PDK1: variants seen among roughly 807,000 people sequenced by gnomAD.
PDK1 encodes the protein pyruvate dehydrogenase kinase 1, also known as [Pyruvate dehydrogenase (acetyl-transferring)] kinase isozyme 1, mitochondrial.
A neutral mutation model predicts 54.2 loss-of-function variants in PDK1; 39 were observed. That is an observed-to-expected ratio of 0.72 (90% confidence interval 0.56 to 0.94). The LOEUF is 0.94. Ranked by LOEUF, PDK1 falls within the 40% of genes least tolerant of loss-of-function variation. PDK1 has a pLI of 0.00. For synonymous variants in PDK1, 221 were observed against 207.1 expected (o/e 1.07, Z -0.58); for missense variants, 552 against 566.0 (o/e 0.98, Z 0.25).
chr2:172,579,301 A>G (rs1406301594), intron 8 of PDK1, among the ~76,000 whole-genome samples: 2 of 152,100 alleles, frequency 1.3e-5, no homozygotes, highest in Non-Finnish European at 2.9e-5. Context: ...AAATAAATAC[A>G]GTCTTCCCAG....
chr2:172,558,670 C>G (rs368979191), intron 1 of PDK1, 38 bp from the exon 2 acceptor site: 1 of 1,544,784 alleles, frequency 6.5e-7, no homozygotes, highest in South Asian at 1.2e-5. Context: ...TTCCTTATGG[C>G]TTTTACTTAC....
chr2:172,570,848 T>TTA, intron 8 of PDK1, 24 bp downstream of exon 8: 6 of 1,400,978 alleles, frequency 4.3e-6, no homozygotes, highest in Non-Finnish European at 6.0e-6. Flanking sequence ...ATGGTTTGTT[T>TTA]TCTTTTTTTT....
chr2:172,571,359 G>A (rs1317779886), intron 8 of PDK1, among the ~76,000 whole-genome samples: 3 of 152,072 alleles, frequency 2.0e-5, no homozygotes, highest in African/African-American at 7.2e-5. Flanking sequence ...TGTTCAGGTG[G>A]CCCAGTTTCT....
At chr2:172,695,629 G>T in the PDK1 span, among the ~76,000 whole-genome samples, 1 of 152,218 alleles carries the variant, frequency 6.6e-6, no homozygotes, top group South Asian at 2.1e-4. Context: ...GCCACTCCTG[G>T]AATTATGTTG....
the PDK1 span, among the ~76,000 whole-genome samples, chr2:172,664,531 CT>C: frequency 6.6e-6 from 1 of 152,024 alleles, no homozygotes; most frequent in Non-Finnish European, 1.5e-5. Flanking sequence ...TTTCCCATTA[CT>C]CAGTGATCTC....
At chr2:172,615,997 C>A in the PDK1 span, among the ~76,000 whole-genome samples, 1 of 152,080 alleles carries the variant, frequency 6.6e-6, no homozygotes, top group East Asian at 1.9e-4. Context: ...AGCCAGCCAG[C>A]CAAATCTCAT....
chr2:172,567,790 G>A (rs1235489031), intron 6 of PDK1, among the ~76,000 whole-genome samples: 2 of 152,166 alleles, frequency 1.3e-5, no homozygotes, highest in Non-Finnish European at 2.9e-5. Flanking sequence ...TTCAGAGGAA[G>A]GTCTGATTTA....
At chr2:172,586,420 C>G (rs756205161) in intron 9 of PDK1, 32 bp downstream of exon 9, 1 of 1,327,634 alleles carries the variant, frequency 7.5e-7, no homozygotes, top group South Asian at 1.2e-5. Flanking sequence ...AAGTGTGTTT[C>G]TGTGAATTGC....
rs368472082 is a variant in PDK1, at chr2:172,559,506, A to G, written c.338+657A>G. On this transcript the variant is annotated intron_variant, in intron 2 of 10. Coordinates refer to ENST00000282077, the MANE Select transcript of PDK1 (RefSeq NM_002610.5). ...TTTAATCCCTTCAACAACCTTGCACAGTGGGTATGATTCTCTCCATTTTAT... is the reference window on the plus strand; with the variant it reads ...TTTAATCCCTTCAACAACCTTGCACGGTGGGTATGATTCTCTCCATTTTAT... Among the ~76,000 whole-genome samples the G allele has an allele frequency of 5.9e-5, 9 of 152,188 alleles. No individual in the cohort carries two copies. The East Asian group carries it at 1.5e-3, about 26-fold the overall frequency.
Position 172,562,224 on chromosome 2 carries a change from A to T in PDK1, c.343A>T (p.Ile115Phe). Reference protein sequence around the residue: ...PSVQLVQSWYIQSLQELLDFK... With the variant: ...PSVQLVQSWYFQSLQELLDFK... ...TCCTATTGATCTGCATTTTAGGTAT[A>T]TCCAGAGTCTTCAGGAGCTTCTTGA... The change falls in exon 3 of 11, where the codon ATC (isoleucine) becomes TTC (phenylalanine). Residue 115 changes from isoleucine (I) to phenylalanine (F), a missense_variant. Ile to Phe is a conservative substitution (Grantham distance 21, BLOSUM62 0). Transcript: ENST00000282077. 6.4e-7 allele frequency: 1 copy of T among 1,565,960 alleles called. No individual in the cohort carries two copies. The highest frequency in any genetic ancestry group is 8.8e-7 in the Non-Finnish European group (1 of 1,136,712).
rs565302592 is a variant in PDK1, at chr2:172,562,714, CTAAT to C, written c.410+427_410+430del. 2.2e-4 allele frequency: 274 copies of C among 1,248,742 alleles called. 1 individual carries two copies. The African/African-American group carries it at 3.6e-3, about 17-fold the overall frequency. 77.4% of individuals were successfully genotyped at this position (1,248,742 alleles called of 1,614,324 possible). On this transcript the variant is annotated intron_variant, in intron 3 of 10. Transcript: ENST00000282077. The stretch of plus-strand genomic sequence containing the variant: ...TCTCTCACTTTTGAAAGATTGGTAA[CTAAT>C]TAAAACATTTTTTAAAACACAGAAG...
At chr2:172,687,620 T>C in the PDK1 span, among the ~76,000 whole-genome samples, 1 of 152,164 alleles carries the variant, frequency 6.6e-6, no homozygotes, top group Non-Finnish European at 1.5e-5. Context: ...GTGGATTACA[T>C]GGTGGTGTTT....
intron 10 of PDK1, among the ~76,000 whole-genome samples, chr2:172,594,151 C>T (rs1690762500): frequency 6.6e-6 from 1 of 151,434 alleles, no homozygotes; most frequent in Non-Finnish European, 1.5e-5. Flanking sequence ...TGTTCTCCTG[C>T]CTCAGCCTTC....
chr2:172,558,960 T>C, intron 2 of PDK1, 111 bp downstream of exon 2: 1 of 1,178,218 alleles, frequency 8.5e-7, no homozygotes, highest in Non-Finnish European at 1.2e-6. Flanking sequence ...TTTGTTTTGT[T>C]TTGTTTGAGA....
At chr2:172,588,377 C>T (rs1444204821) in intron 9 of PDK1, among the ~76,000 whole-genome samples, 1 of 152,120 alleles carries the variant, frequency 6.6e-6, no homozygotes. Context: ...AGATGTGCAG[C>T]CTTGGGAAAA....
chr2:172,595,375 T>A (rs1574539776), intron 10 of PDK1, among the ~76,000 whole-genome samples: 1 of 152,342 alleles, frequency 6.6e-6, no homozygotes, highest in East Asian at 1.9e-4. Context: ...TGGCTTGTGA[T>A]GAGTTTTTTT....
At chr2:172,556,063 T>C (rs1467569130), upstream of PDK1, 2 of 1,051,318 alleles carry the variant, frequency 1.9e-6, no homozygotes, top group Non-Finnish European at 1.3e-6. Flanking sequence ...TCCCCGCCCC[T>C]GCTGCCCGCC....
chr2:172,670,446 T>G, the PDK1 span, among the ~76,000 whole-genome samples: 1 of 152,222 alleles, frequency 6.6e-6, no homozygotes, highest in Non-Finnish European at 1.5e-5. Context: ...TGTTTACACA[T>G]GGAAATTTAG....
At chr2:172,654,689 A>G in the PDK1 span, among the ~76,000 whole-genome samples, 1 of 152,182 alleles carries the variant, frequency 6.6e-6, no homozygotes, top group Non-Finnish European at 1.5e-5. Flanking sequence ...CAGCACACCA[A>G]CATGGCACAT....
Sources: allele counts gnomAD v4.1 joint callset (sites outside exome capture counted in the v4.1 genomes callset), GRCh38; gene constraint gnomAD v4.1.1; transcripts MANE v1.5; gene names NCBI Gene and HGNC (gene_info 2026-07-23, HGNC 2026-07-21).